CREG2: variants seen among roughly 807,000 people sequenced by gnomAD.
The protein encoded by CREG2 is cellular repressor of E1A stimulated genes 2, also known as protein CREG2.
CREG2 carries 24 observed loss-of-function variants against 26.2 expected under a neutral mutation model. That is an observed-to-expected ratio of 0.92 (90% CI 0.66 to 1.29). The LOEUF is 1.29. CREG2 is among the 50% of genes most tolerant of loss of function. The pLI, the probability that CREG2 is intolerant of heterozygous loss-of-function variation, is 0.00. For missense variants in CREG2, 366 were observed against 398.6 expected (o/e 0.92, Z 0.70); for synonymous variants, 174 against 169.2 (o/e 1.03, Z -0.22).
chr2:101,360,709 G>C (rs1344625662), intron 2 of CREG2, among the ~76,000 whole-genome samples: 2 of 151,116 alleles, frequency 1.3e-5, no homozygotes, highest in Non-Finnish European at 2.9e-5. Flanking sequence ...CTGCACTCCA[G>C]CCTGGGCGAC....
At chr2:101,379,113 C>T (rs188196676) in intron 2 of CREG2, among the ~76,000 whole-genome samples, 3 of 152,308 alleles carry the variant, frequency 2.0e-5, no homozygotes, top group Non-Finnish European at 4.4e-5. Flanking sequence ...CAAATTATCT[C>T]CTCCAAAAAG....
chr2:101,378,740 C>T (rs1159690296), intron 2 of CREG2, among the ~76,000 whole-genome samples: 3 of 152,184 alleles, frequency 2.0e-5, no homozygotes, highest in East Asian at 3.9e-4. Flanking sequence ...CCACAGAAAT[C>T]GCCAACCTAG....
At chr2:101,366,335 G>C (rs138645835) in intron 2 of CREG2, among the ~76,000 whole-genome samples, 60 of 152,218 alleles carry the variant, frequency 3.9e-4, no homozygotes, top group East Asian at 3.7e-3. Flanking sequence ...TCAGGCTGTT[G>C]ATGTCTCTTT....
intron 2 of CREG2, among the ~76,000 whole-genome samples, chr2:101,370,120 C>G (rs962042842): frequency 6.6e-6 from 1 of 152,154 alleles, no homozygotes; most frequent in Admixed American, 6.5e-5. Context: ...AAGTCCTTCA[C>G]ACCCTCTGTG....
Position 101,351,095 on chromosome 2 carries a change from G to A in CREG2, c.726-25C>T, listed in dbSNP as rs376823248. 9 of 1,610,664 alleles carry A rather than the reference G, an allele frequency of 5.6e-6. No individual in the cohort carries two copies. In the African/African-American group the frequency reaches 1.2e-4, roughly 22 times the overall value. ...CCTGCAGGAATAAAGAGAGACCACA[G>A]TAAAGCTGCTCTTATCAGAGAGGTG... On this transcript the variant is annotated intron_variant, in intron 3 of 3. Coordinates refer to ENST00000324768, the MANE Select transcript of CREG2 (RefSeq NM_153836.4).
intron 2 of CREG2, chr2:101,383,135 C>T (rs759242549): frequency 5.6e-5 from 23 of 410,436 alleles, no homozygotes; most frequent in East Asian, 2.7e-4. Flanking sequence ...CTGTGTTGCA[C>T]GCCTCCGTGC....
intron 1 of CREG2, among the ~76,000 whole-genome samples, chr2:101,385,377 C>T (rs1310379461): frequency 6.6e-6 from 1 of 152,102 alleles, no homozygotes; most frequent in Non-Finnish European, 1.5e-5. Flanking sequence ...GACAGGGTTT[C>T]ACCATGTTGG....
rs368812153 is a variant in CREG2, at chr2:101,380,383, A to G, written c.611+3150T>C. 3.7e-3 allele frequency among the ~76,000 whole-genome samples: 561 copies of G among 152,344 alleles called. 3 individuals carry two copies. Among genetic ancestry groups the G allele is most frequent in the African/African-American group, 0.012 (491 of 41,580 alleles). On this transcript the variant is annotated intron_variant, in intron 2 of 3. Transcript: ENST00000324768. ...ACCGGGGCTAACTTGATGAACGCAGAGGCAGGCTTGCAGCTGAAATGCCCC... is the reference window on the plus strand; with the variant it reads ...ACCGGGGCTAACTTGATGAACGCAGGGGCAGGCTTGCAGCTGAAATGCCCC...
intron 2 of CREG2, among the ~76,000 whole-genome samples, chr2:101,377,505 G>A (rs1309457261): frequency 6.6e-6 from 1 of 152,110 alleles, no homozygotes; most frequent in Non-Finnish European, 1.5e-5. Context: ...ACATTTTTGG[G>A]TGGCCTTTCT....
intron 2 of CREG2, among the ~76,000 whole-genome samples, chr2:101,358,752 G>GCAAGTTTTAGAGCAGGAGTGAGAGTTTA (rs1573304044): frequency 7.4e-5 from 8 of 108,514 alleles, no homozygotes; most frequent in African/African-American, 1.4e-4. Context: ...GAGAACTGAG[G>GCAAGTTTTAGAGCAGGAGTGAGAGTTTA]TGGCCGGGCG....
intron 2 of CREG2, among the ~76,000 whole-genome samples, chr2:101,357,730 T>G (rs1274961270): frequency 1.3e-5 from 2 of 152,002 alleles, no homozygotes; most frequent in African/African-American, 4.8e-5. Flanking sequence ...TTAACCCCTG[T>G]TTAGAAGTAA....
In CREG2 at chr2:101,387,133, C is replaced by A; in HGVS notation, c.325G>T (p.Glu109Ter). The A allele has an allele frequency of 8.0e-7, 1 of 1,248,274 alleles. No individual in the cohort carries two copies. The highest frequency in any genetic ancestry group is 1.0e-6 in the Non-Finnish European group (1 of 997,086). 77.3% of individuals were successfully genotyped at this position (1,248,274 alleles called of 1,614,324 possible). A position where few individuals can be genotyped will look rare whatever the true frequency, so the allele number is the denominator to read the frequency against. The change falls in exon 1 of 4, where the codon GAG becomes TAG. Residue 109 changes from glutamate to a stop codon, truncating the protein, a stop_gained. Transcript: ENST00000324768. LOFTEE classifies it high-confidence loss of function. This position sits in a 1 kb window ranked among gnomAD's most constrained non-coding sequence, Gnocchi z 4.7. ...GGCGCACTGGCCGTCTGGCCGCCCT[C>A]GCGCCGGTAGGAGAACATCCCGGGT... is the stretch of plus-strand genomic sequence containing the variant. ...APPGMFSYRR[E>*]GGQTASAPPG...
chr2:101,367,000 C>T (rs945812961), intron 2 of CREG2, among the ~76,000 whole-genome samples: 6 of 152,030 alleles, frequency 3.9e-5, no homozygotes, highest in African/African-American at 1.5e-4. Flanking sequence ...CTTGAGCATC[C>T]ACGGATTTTG....
intron 2 of CREG2, among the ~76,000 whole-genome samples, chr2:101,379,565 G>T (rs1684839018): frequency 6.6e-6 from 1 of 152,110 alleles, no homozygotes; most frequent in Non-Finnish European, 1.5e-5. Flanking sequence ...TATCATTTTT[G>T]AGTGACATGA....
chr2:101,369,957 C>G (rs1234010278), intron 2 of CREG2, among the ~76,000 whole-genome samples: 1 of 152,166 alleles, frequency 6.6e-6, no homozygotes, highest in Non-Finnish European at 1.5e-5. Flanking sequence ...TGCATCAGTG[C>G]TTTCTGAAAC....
intron 1 of CREG2, 111 bp downstream of exon 1, chr2:101,386,906 G>T (rs1684976507): frequency 4.5e-6 from 5 of 1,102,002 alleles, no homozygotes; most frequent in Non-Finnish European, 5.7e-6. Context: ...CACCGGGCAC[G>T]TCTGGTGGAC....
intron 2 of CREG2, among the ~76,000 whole-genome samples, chr2:101,377,488 G>A (rs538563813): frequency 6.6e-6 from 1 of 152,276 alleles, no homozygotes; most frequent in South Asian, 2.1e-4. Flanking sequence ...ATATTGCAGG[G>A]AAAGAGACAT....
chr2:101,351,067 G>A lies in CREG2; in HGVS notation c.729C>T (p.His243=). The A allele has an allele frequency of 1.1e-5, 17 of 1,613,834 alleles. No individual in the cohort carries two copies. The highest frequency in any genetic ancestry group is 1.4e-5 in the Non-Finnish European group (17 of 1,179,896). The stretch of plus-strand genomic sequence containing the variant: ...GACGAGGCCACTTCCTCATCCCTGG[G>A]TGCCTGCAGGAATAAAGAGAGACCA... The part of the protein sequence containing the change: ...EFAKQAMFSR[H]PGMRKWPRQY... The change falls in exon 4 of 4, where the codon CAC becomes CAT. Residue 243 remains histidine, a synonymous_variant. Transcript: ENST00000324768.
intron 2 of CREG2, among the ~76,000 whole-genome samples, chr2:101,373,236 A>T (rs916987190): frequency 3.4e-5 from 4 of 118,358 alleles, no homozygotes; most frequent in Non-Finnish European, 6.9e-5. Flanking sequence ...TGGATAAATA[A>T]AAATGGATAA....
Sources: allele counts gnomAD v4.1 joint callset (sites outside exome capture counted in the v4.1 genomes callset), GRCh38; gene constraint gnomAD v4.1.1; non-coding constraint Gnocchi (gnomAD v3.1); transcripts MANE v1.5; gene names NCBI Gene and HGNC (gene_info 2026-07-23, HGNC 2026-07-21).